SMR3B: variants seen among roughly 807,000 people sequenced by gnomAD.
SMR3B encodes submaxillary gland androgen-regulated protein 3B.
For missense variants in SMR3B, 114 were observed against 99.9 expected (o/e 1.14, Z -0.60); for synonymous variants, 42 against 36.1 (o/e 1.16, Z -0.59).
chr4:70,390,217 G>T lies in SMR3B; in HGVS notation c.*369G>T, dbSNP rs1216262515. The T allele has an allele frequency of 3.8e-6, 2 of 523,134 alleles. No homozygotes were observed. Among genetic ancestry groups the T allele is most frequent in the Non-Finnish European group, 6.9e-6 (2 of 290,558 alleles). The allele number at this position is 523,134 out of a possible 1,614,324, so 32.4% of individuals were successfully genotyped here. On this transcript the variant is annotated 3_prime_UTR_variant, in exon 3 of 3. Transcript: ENST00000304915. ...ATGCAGACATAACATTTATACCAAT[G>T]AGGCAAAAATAAAGAATTGAGCACC...
intron 1 of SMR3B, 122 bp from the exon 2 acceptor site, chr4:70,384,375 A>T: frequency 6.7e-7 from 1 of 1,490,472 alleles, no homozygotes; most frequent in Non-Finnish European, 9.0e-7. Context: ...ACATTAGGCA[A>T]ATTCCCTAAA....
At position 70,386,363 on chromosome 4, in the gene SMR3B, T is replaced by C. The variant is rs1479094449; in HGVS notation, c.54+1799T>C. ...TCAACCTTTCCCCAACTTAATTATA[T>C]GAGATTCATGATGATTAATAATTAT... is the stretch of plus-strand genomic sequence containing the variant. On this transcript the variant is annotated intron_variant, in intron 2 of 2. Transcript: ENST00000304915. 2.0e-5 allele frequency among the ~76,000 whole-genome samples: 3 copies of C among 152,014 alleles called. No homozygotes were observed. The East Asian group carries it at 5.8e-4, about 29-fold the overall frequency.
In SMR3B at chr4:70,383,193, A is replaced by G. The variant is rs1385269436; in HGVS notation, c.-34A>G. On this transcript the variant is annotated 5_prime_UTR_variant, in exon 1 of 3. Coordinates refer to ENST00000304915, the MANE Select transcript of SMR3B (RefSeq NM_006685.4). Reference sequence around the variant, plus strand: ...TTGACCAGCAGATTAATCAACTGTAAGACAGATCCTCACACAAAGGTAGGT... The same window carrying G: ...TTGACCAGCAGATTAATCAACTGTAGGACAGATCCTCACACAAAGGTAGGT... The G allele has an allele frequency of 2.6e-5, 4 of 152,116 alleles. No individual in the cohort carries two copies. Among genetic ancestry groups the G allele is most frequent in the Non-Finnish European group, 4.4e-5 (3 of 67,992 alleles). The allele number at this position is 152,116 out of a possible 1,614,324, so 9.4% of individuals were successfully genotyped here. A position where few individuals can be genotyped will look rare whatever the true frequency, so the allele number is the denominator to read the frequency against.
In SMR3B at chr4:70,390,135, C is replaced by T. The variant is rs1371049576; in HGVS notation, c.*287C>T. On this transcript the variant is annotated 3_prime_UTR_variant, in exon 3 of 3. Transcript: ENST00000304915. The stretch of plus-strand genomic sequence containing the variant: ...ATTTTTGGATGAGAATGAAAAATTC[C>T]AAAAGTGCTGAGCTTTGGGGAGAAA... 2 of 704,354 alleles carry T rather than the reference C, an allele frequency of 2.8e-6. No individual in the cohort carries two copies. Among genetic ancestry groups the T allele is most frequent in the South Asian group, 3.1e-5 (2 of 65,422 alleles). The allele number at this position is 704,354 out of a possible 1,614,324, so 43.6% of individuals were successfully genotyped here.
chr4:70,384,590 C>A (rs1553915004), intron 2 of SMR3B, 26 bp downstream of exon 2: 13 of 1,561,968 alleles, frequency 8.3e-6, no homozygotes, highest in Non-Finnish European at 1.1e-5. Context: ...CACGATCACA[C>A]TTCTTTATAG....
At chr4:70,388,284 A>G (rs77053215) in intron 2 of SMR3B, among the ~76,000 whole-genome samples, 11 of 130,676 alleles carry the variant, frequency 8.4e-5, no homozygotes, top group South Asian at 7.5e-4. Flanking sequence ...TTTTTTTTTT[A>G]TTTTTTAAAA....
intron 2 of SMR3B, among the ~76,000 whole-genome samples, chr4:70,387,645 A>T (rs1732688950): frequency 6.6e-6 from 1 of 152,158 alleles, no homozygotes; most frequent in Non-Finnish European, 1.5e-5. Context: ...TGGCCAGTAA[A>T]TCAGGGAAGT....
chr4:70,385,545 A>G (rs1732647417), intron 2 of SMR3B, among the ~76,000 whole-genome samples: 1 of 151,840 alleles, frequency 6.6e-6, no homozygotes, highest in African/African-American at 2.4e-5. Flanking sequence ...CTGGGACTAC[A>G]GGCGCCCGCC....
intron 2 of SMR3B, among the ~76,000 whole-genome samples, chr4:70,386,974 G>T (rs1732677345): frequency 6.6e-6 from 1 of 152,306 alleles, no homozygotes; most frequent in South Asian, 2.1e-4. Context: ...TTCTACAGAA[G>T]TGCCTTGGTA....
chr4:70,388,940 A>G (rs181217853), intron 2 of SMR3B, among the ~76,000 whole-genome samples: 177 of 152,324 alleles, frequency 1.2e-3, no homozygotes, highest in Middle Eastern at 6.8e-3. Context: ...ATTCGACTAT[A>G]GGCAAAGGAT....
chr4:70,384,077 TA>T (rs1024541253), intron 1 of SMR3B, among the ~76,000 whole-genome samples: 8 of 152,098 alleles, frequency 5.3e-5, no homozygotes, highest in Non-Finnish European at 1.2e-4. Context: ...AAGATCTAGT[TA>T]AAATGTTAAT....
chr4:70,390,067 T>G lies in SMR3B; in HGVS notation c.*219T>G. On this transcript the variant is annotated 3_prime_UTR_variant, in exon 3 of 3. Coordinates refer to ENST00000304915, the MANE Select transcript of SMR3B (RefSeq NM_006685.4). ...CTGCTTCTACTACCCAAAATATGAA[T>G]TCCAACACTGCTTCCAAGAGACATT... The G allele has an allele frequency of 1.1e-6, 1 of 906,532 alleles. No individual in the cohort carries two copies. Among genetic ancestry groups the G allele is most frequent in the Non-Finnish European group, 1.8e-6 (1 of 548,246 alleles). The allele number at this position is 906,532 out of a possible 1,614,324, so 56.2% of individuals were successfully genotyped here.
rs529991636 is a variant in SMR3B at position 70,387,491 on chromosome 4, A to G, written c.55-2172A>G. On this transcript the variant is annotated intron_variant, in intron 2 of 2. Coordinates refer to ENST00000304915, the MANE Select transcript of SMR3B (RefSeq NM_006685.4). ...AATGATCCAGTTTATAATTCCTGCC[A>G]TTTAACTGGCTCATTTTCCTCAGAA... Among the ~76,000 whole-genome samples the G allele has an allele frequency of 5.3e-5, 8 of 152,288 alleles. No individual in the cohort carries two copies. The South Asian group carries it at 1.7e-3, about 32-fold the overall frequency.
chr4:70,385,288 A>AAAAATATG (rs1732638441), intron 2 of SMR3B, among the ~76,000 whole-genome samples: 2 of 152,196 alleles, frequency 1.3e-5, no homozygotes, highest in South Asian at 4.1e-4. Flanking sequence ...TATCAAATTG[A>AAAAATATG]AAAATATGAA....
rs139819664 is a variant in SMR3B, at chr4:70,387,758, G to A, written c.55-1905G>A. On this transcript the variant is annotated intron_variant, in intron 2 of 2. Transcript: ENST00000304915. Reference sequence around the variant, plus strand: ...GAGGTGGAGAATGTTGATAAAACTGGCATCAACTTGGAAAATTACAGGCCT... The same window carrying A: ...GAGGTGGAGAATGTTGATAAAACTGACATCAACTTGGAAAATTACAGGCCT... Among the ~76,000 whole-genome samples, 12 of 152,192 alleles carry A rather than the reference G, an allele frequency of 7.9e-5. No homozygotes were observed. In the East Asian group the frequency reaches 2.3e-3, roughly 29 times the overall value.
chr4:70,389,639 A>G, intron 2 of SMR3B, 24 bp from the exon 3 acceptor site: 1 of 1,604,742 alleles, frequency 6.2e-7, no homozygotes, highest in Non-Finnish European at 8.5e-7. Flanking sequence ...CTGATTTGAA[A>G]TTATTTACTT....
chr4:70,389,028 C>G (rs1477690433), intron 2 of SMR3B, among the ~76,000 whole-genome samples: 1 of 152,096 alleles, frequency 6.6e-6, no homozygotes, highest in Non-Finnish European at 1.5e-5. Flanking sequence ...ATTCAGAAAG[C>G]AAAAGAGAAA....
At chr4:70,388,400 A>G (rs1241903318) in intron 2 of SMR3B, among the ~76,000 whole-genome samples, 1 of 152,190 alleles carries the variant, frequency 6.6e-6, no homozygotes, top group East Asian at 1.9e-4. Context: ...GGCATGAGCC[A>G]CCATGCCCAG....
chr4:70,384,741 T>C (rs1294509841), intron 2 of SMR3B, 177 bp downstream of exon 2: 5 of 986,566 alleles, frequency 5.1e-6, no homozygotes, highest in Non-Finnish European at 7.0e-6. Context: ...TAACCACACA[T>C]GTCTGATGGC....
Sources: allele counts gnomAD v4.1 joint callset (sites outside exome capture counted in the v4.1 genomes callset), GRCh38; gene constraint gnomAD v4.1.1; transcripts MANE v1.5; gene names NCBI Gene and HGNC (gene_info 2026-07-23, HGNC 2026-07-21).